DPP6: variants seen among roughly 807,000 people sequenced by gnomAD.
DPP6 encodes the protein dipeptidyl peptidase like 6, also known as A-type potassium channel modulatory protein DPP6.
Under a neutral mutation model 122.6 loss-of-function variants are expected in DPP6, and 69 were observed. That is an observed-to-expected ratio of 0.56 (90% CI 0.46 to 0.69). The LOEUF (loss-of-function observed/expected upper bound fraction) is 0.69. Ranked by LOEUF, DPP6 falls within the 30% of genes least tolerant of loss-of-function variation. The pLI is 0.00. For synonymous variants in DPP6, 418 were observed against 433.1 expected (o/e 0.97, Z 0.43); for missense variants, 928 against 1,116.9 (o/e 0.83, Z 2.41).
At chr7:154,267,148 T>C (rs1426516924) in intron 1 of DPP6, among the ~76,000 whole-genome samples, 1 of 152,038 alleles carries the variant, frequency 6.6e-6, no homozygotes, top group Non-Finnish European at 1.5e-5. Context: ...TACTAAGATT[T>C]GTAGAAATCT....
At chr7:154,364,523 G>T (rs2151104480) in intron 1 of DPP6, among the ~76,000 whole-genome samples, 1 of 152,302 alleles carries the variant, frequency 6.6e-6, no homozygotes, top group East Asian at 1.9e-4. Flanking sequence ...ACAAACCAAG[G>T]GGCAGGAGGT....
intron 7 of DPP6, among the ~76,000 whole-genome samples, chr7:154,699,166 A>G (rs549003516): frequency 6.6e-6 from 1 of 152,318 alleles, no homozygotes; most frequent in Admixed American, 6.5e-5. Flanking sequence ...GATCCGGGAG[A>G]CTTAGCCAGG....
In DPP6 at chr7:153,976,293, G is replaced by A. The variant is rs562380864; in HGVS notation, c.51+88559G>A. Among the ~76,000 whole-genome samples the A allele has an allele frequency of 5.3e-5, 8 of 152,288 alleles. No homozygotes were observed. The South Asian group carries it at 1.0e-3, about 20-fold the overall frequency. On this transcript the variant is annotated intron_variant, in intron 1 of 25. Coordinates refer to the DPP6 transcript ENST00000404039. ...GTTCTCTAGTCTTAAACACTGAAAC[G>A]TCTGAGACAGCTTTATACATCTCCT...
At chr7:154,335,467 C>G (rs970906925) in intron 1 of DPP6, among the ~76,000 whole-genome samples, 4 of 152,224 alleles carry the variant, frequency 2.6e-5, no homozygotes, top group African/African-American at 9.6e-5. Flanking sequence ...GTACACACAA[C>G]TAACCTATAA....
At chr7:153,781,336 C>A in the DPP6 span, among the ~76,000 whole-genome samples, 1 of 152,090 alleles carries the variant, frequency 6.6e-6, no homozygotes, top group Non-Finnish European at 1.5e-5. Context: ...ATCAAAATTC[C>A]CCAGGACTGC....
At position 154,408,986 on chromosome 7, in the gene DPP6, T is replaced by TA. The variant is rs915518708; in HGVS notation, c.244-37221dup. Among the ~76,000 whole-genome samples the TA allele has an allele frequency of 8.6e-5, 13 of 151,900 alleles. No individual in the cohort carries two copies. The East Asian group carries it at 1.4e-3, about 16-fold the overall frequency. On this transcript the variant is annotated intron_variant, in intron 1 of 25. Coordinates refer to ENST00000377770, the MANE Select transcript of DPP6 (RefSeq NM_130797.4). ...TGAAACCACATCTGTACTAAAAAAG[T>TA]AAAAAAATTAGCCAGGTGGTAGTGG... is the stretch of plus-strand genomic sequence containing the variant.
the DPP6 span, among the ~76,000 whole-genome samples, chr7:153,830,411 A>G: frequency 5.9e-5 from 9 of 152,204 alleles, no homozygotes; most frequent in African/African-American, 2.2e-4. Flanking sequence ...GTGCACATTT[A>G]AAAAAATGAA....
chr7:153,794,467 C>T, the DPP6 span, among the ~76,000 whole-genome samples: 11 of 152,304 alleles, frequency 7.2e-5, 1 homozygote, highest in East Asian at 9.6e-4. Flanking sequence ...TATATTTACC[C>T]AATACTGATA....
intron 1 of DPP6, among the ~76,000 whole-genome samples, chr7:154,042,257 G>A (rs984591880): frequency 3.3e-5 from 5 of 152,038 alleles, no homozygotes; most frequent in African/African-American, 7.3e-5. Flanking sequence ...TTCATCAAGC[G>A]GACACCCTTA....
chr7:153,786,155 G>A, the DPP6 span, among the ~76,000 whole-genome samples: 1 of 151,716 alleles, frequency 6.6e-6, no homozygotes, highest in African/African-American at 2.4e-5. Flanking sequence ...GTTTTCAGAT[G>A]GTTCTTTTGA....
At chr7:154,287,877 C>A (rs907314732) in intron 1 of DPP6, among the ~76,000 whole-genome samples, 1 of 152,178 alleles carries the variant, frequency 6.6e-6, no homozygotes, top group Non-Finnish European at 1.5e-5. Flanking sequence ...CGGGATGATA[C>A]TAGAGGCGAT....
intron 16 of DPP6, among the ~76,000 whole-genome samples, chr7:154,831,053 A>G (rs975014025): frequency 6.6e-6 from 1 of 152,150 alleles, no homozygotes; most frequent in African/African-American, 2.4e-5. Context: ...TGTCATCCCC[A>G]CGGTGAGTGG....
chr7:154,194,582 A>C (rs1798771800), intron 1 of DPP6, among the ~76,000 whole-genome samples: 1 of 152,108 alleles, frequency 6.6e-6, no homozygotes. Context: ...TCTGCCATGG[A>C]ATGTTTGTGT....
At chr7:154,354,315 GC>G (rs1811104742) in intron 1 of DPP6, among the ~76,000 whole-genome samples, 1 of 152,168 alleles carries the variant, frequency 6.6e-6, no homozygotes, top group Non-Finnish European at 1.5e-5. Context: ...CATGTGATAA[GC>G]CCAGTGTGGT....
chr7:154,390,954 A>G (rs964940270), intron 1 of DPP6, among the ~76,000 whole-genome samples: 1 of 152,088 alleles, frequency 6.6e-6, no homozygotes, highest in African/African-American at 2.4e-5. Context: ...ACCGTTTCTA[A>G]CCATGTGACC....
chr7:154,020,195 G>T (rs1409662985), intron 1 of DPP6, among the ~76,000 whole-genome samples: 1 of 152,034 alleles, frequency 6.6e-6, no homozygotes, highest in African/African-American at 2.4e-5. Flanking sequence ...TTTACATTCT[G>T]AATTCTGTGT....
rs189704038 is a variant in DPP6, at chr7:154,012,289, A to C, written c.51+124555A>C. Among the ~76,000 whole-genome samples, 811 of 152,328 alleles carry C rather than the reference A, an allele frequency of 5.3e-3. 5 individuals carry two copies. Among genetic ancestry groups the C allele is most frequent in the African/African-American group, 0.019 (775 of 41,580 alleles). ...TCTAAATTAAAAACTAAAACTATTAAATTTCTAGAGGAAATCATAGCCCTA... is the reference window on the plus strand; with the variant it reads ...TCTAAATTAAAAACTAAAACTATTACATTTCTAGAGGAAATCATAGCCCTA... On this transcript the variant is annotated intron_variant, in intron 1 of 25. Transcript: ENST00000404039.
At chr7:154,587,913 A>G in intron 5 of DPP6, 1 of 1,612,916 alleles carries the variant, frequency 6.2e-7, no homozygotes, top group Non-Finnish European at 8.5e-7. Context: ...GGAGAGTCCC[A>G]GGAGGCAGGA....
intron 7 of DPP6, among the ~76,000 whole-genome samples, chr7:154,714,416 A>C (rs376157904): frequency 6.6e-6 from 1 of 152,164 alleles, no homozygotes; most frequent in South Asian, 2.1e-4. Context: ...AATACCTGAG[A>C]CTGGGTAGTT....
Sources: gnomAD v4.1 joint callset for allele counts (sites outside exome capture counted in the v4.1 genomes callset) on GRCh38, gnomAD v4.1.1 for gene constraint, MANE v1.5 for transcripts, NCBI Gene and HGNC (gene_info 2026-07-23, HGNC 2026-07-21) for gene names.